NEDD4: variants seen among roughly 807,000 people sequenced by gnomAD.
The protein encoded by NEDD4 is NEDD4 E3 ubiquitin protein ligase.
NEDD4 carries 99 observed loss-of-function variants against 144.9 expected under a neutral mutation model. The ratio of observed to expected loss-of-function variants is 0.68; its 90% CI spans 0.58 to 0.81. The LOEUF (loss-of-function observed/expected upper bound fraction) is 0.81. Among genes scored for constraint, NEDD4 ranks in the 30% least tolerant of loss-of-function variants. The pLI is 0.00. For missense variants in NEDD4, 985 were observed against 1,065.9 expected, an observed-to-expected ratio of 0.92 and a Z score of 1.06; for synonymous variants, 318 against 350.6, an observed-to-expected ratio of 0.91 and a Z score of 1.04.
intron 5 of NEDD4, among the ~76,000 whole-genome samples, chr15:55,914,072 C>T (rs1365731930): frequency 6.6e-6 from 1 of 151,568 alleles, no homozygotes; most frequent in Non-Finnish European, 1.5e-5. Context: ...CTTTTTTTAT[C>T]CTTAGTAAAG....
At chr15:55,877,779 T>A (rs1239302494) in intron 5 of NEDD4, among the ~76,000 whole-genome samples, 2 of 152,208 alleles carry the variant, frequency 1.3e-5, no homozygotes, top group Non-Finnish European at 2.9e-5. Flanking sequence ...TTCTAATTTA[T>A]ATCATCATAG....
intron 4 of NEDD4, among the ~76,000 whole-genome samples, chr15:55,930,471 A>C (rs567184249): frequency 6.6e-6 from 1 of 152,268 alleles, no homozygotes; most frequent in East Asian, 1.9e-4. Flanking sequence ...ACAGAAAATC[A>C]CTCTAGGTGA....
chr15:55,927,970 C>T (rs1433168531), intron 4 of NEDD4, among the ~76,000 whole-genome samples: 5 of 152,160 alleles, frequency 3.3e-5, no homozygotes, highest in African/African-American at 1.2e-4. Flanking sequence ...AATCTGCTGT[C>T]CTGGTTCAGA....
intron 17 of NEDD4, among the ~76,000 whole-genome samples, chr15:55,847,680 T>TCC (rs1409525537): frequency 6.9e-6 from 1 of 144,494 alleles, no homozygotes; most frequent in Non-Finnish European, 1.5e-5. Flanking sequence ...TTTTTCCTTT[T>TCC]TTTTTTTTTT....
At chr15:55,933,177 T>A (rs1179247083) in intron 4 of NEDD4, among the ~76,000 whole-genome samples, 5 of 152,112 alleles carry the variant, frequency 3.3e-5, no homozygotes, top group African/African-American at 1.2e-4. Context: ...ATCCCATTAC[T>A]GGGTATATAC....
chr15:55,831,344 A>G (rs1403963281), intron 27 of NEDD4, among the ~76,000 whole-genome samples: 2 of 152,220 alleles, frequency 1.3e-5, no homozygotes, highest in African/African-American at 4.8e-5. Context: ...TTCTAACACA[A>G]ACAACTCTGG....
rs111410871 is a variant in NEDD4 at position 55,859,329 on chromosome 15, T to G, written c.960+1078A>C. ...TGGTGGCTGAAGTGAAAATGTCATC[T>G]ATCTCCTTGTTTAGTCAAAGTATAT... On this transcript the variant is annotated intron_variant, in intron 11 of 28. Transcript: ENST00000435532. Among the ~76,000 whole-genome samples, 2 of 152,360 alleles carry G rather than the reference T, an allele frequency of 1.3e-5. 1 individual carries two copies. Among genetic ancestry groups the G allele is most frequent in the African/African-American group, 4.8e-5 (2 of 41,588 alleles).
At chr15:55,934,567 C>T (rs2036847734) in intron 4 of NEDD4, 1 of 151,806 alleles carries the variant, frequency 6.6e-6, no homozygotes, top group East Asian at 1.9e-4. Context: ...TATGTCTTTC[C>T]ACTTTATTTC....
At chr15:55,867,764 G>T (rs76848811) in intron 8 of NEDD4, among the ~76,000 whole-genome samples, 3 of 152,274 alleles carry the variant, frequency 2.0e-5, no homozygotes, top group African/African-American at 7.2e-5. Context: ...AAGAAAAAAG[G>T]TTCTTTCCTG....
At chr15:55,914,629 T>C (rs2036377355) in intron 5 of NEDD4, among the ~76,000 whole-genome samples, 1 of 151,826 alleles carries the variant, frequency 6.6e-6, no homozygotes, top group African/African-American at 2.4e-5. Flanking sequence ...TAAAGAAAAA[T>C]AGGGTGGAAA....
At chr15:55,917,256 T>C (rs1484141650) in intron 5 of NEDD4, 15 of 680,450 alleles carry the variant, frequency 2.2e-5, no homozygotes, top group South Asian at 6.2e-5. Context: ...ACCCCAGCTC[T>C]ACTAAATGAA....
rs574431801 is a variant in NEDD4 at position 55,933,675 on chromosome 15, A to G, written c.238-8976T>C. ...GTTGTGTACGTGTACCCTAGAACTT[A>G]AAGTATAAAAAAAAAAATCTGATGG... On this transcript the variant is annotated intron_variant, in intron 4 of 28. Coordinates refer to ENST00000435532, the MANE Select transcript of NEDD4 (RefSeq NM_006154.4). Among the ~76,000 whole-genome samples, 18 of 152,098 alleles carry G rather than the reference A, an allele frequency of 1.2e-4. No homozygotes were observed. The South Asian group carries it at 2.3e-3, about 19-fold the overall frequency.
chr15:55,958,693 C>T lies in NEDD4; in HGVS notation c.120-7104G>A, dbSNP rs540023938. Among the ~76,000 whole-genome samples the T allele has an allele frequency of 6.8e-4, 103 of 152,122 alleles. 1 individual carries two copies. Among genetic ancestry groups the T allele is most frequent in the Middle Eastern group, 3.4e-3 (1 of 294 alleles). On this transcript the variant is annotated intron_variant, in intron 2 of 28. Coordinates refer to ENST00000435532, the MANE Select transcript of NEDD4 (RefSeq NM_006154.4). ...TTTTAACAACAAATTCAATTTCTTT[C>T]AATAATAAACATCTATTAAAGTTTT...
intron 1 of NEDD4, among the ~76,000 whole-genome samples, chr15:55,968,416 G>A (rs949249917): frequency 6.6e-6 from 1 of 151,852 alleles, no homozygotes. Flanking sequence ...CCTTTAGTAT[G>A]AGAAAAAATA....
chr15:55,963,128 CTTTTTTA>C (rs1486741994), intron 2 of NEDD4, among the ~76,000 whole-genome samples: 1 of 142,656 alleles, frequency 7.0e-6, no homozygotes, highest in African/African-American at 2.6e-5. Flanking sequence ...TTCTGGCACT[CTTTTTTA>C]TTTTTTTTTT....
intron 4 of NEDD4, among the ~76,000 whole-genome samples, chr15:55,932,856 G>A (rs1381674598): frequency 2.0e-5 from 3 of 152,086 alleles, no homozygotes; most frequent in Non-Finnish European, 4.4e-5. Context: ...TCAAAAAGTG[G>A]GCAAAGGATA....
chr15:55,950,938 A>G (rs1487381709), intron 4 of NEDD4, among the ~76,000 whole-genome samples: 2 of 152,208 alleles, frequency 1.3e-5, no homozygotes, highest in African/African-American at 4.8e-5. Context: ...GGAATTGGAA[A>G]TAACTGCTGA....
At chr15:55,839,000 G>C (rs371897398) in intron 21 of NEDD4, among the ~76,000 whole-genome samples, 1 of 151,670 alleles carries the variant, frequency 6.6e-6, no homozygotes, top group African/African-American at 2.4e-5. Flanking sequence ...ATGTGACTTC[G>C]TGTTAAATGT....
intron 6 of NEDD4, 59 bp from the exon 7 acceptor site, chr15:55,872,535 C>A (rs2034839372): frequency 1.4e-6 from 1 of 710,568 alleles, no homozygotes; most frequent in South Asian, 3.2e-5. Context: ...ATGTACTTTT[C>A]AAGAATACTC....
Sources: gnomAD v4.1 joint callset for allele counts (sites outside exome capture counted in the v4.1 genomes callset) on GRCh38, gnomAD v4.1.1 for gene constraint, MANE v1.5 for transcripts, NCBI Gene and HGNC (gene_info 2026-07-23, HGNC 2026-07-21) for gene names.